VRK2: variants seen among roughly 807,000 people sequenced by gnomAD.
VRK2 encodes VRK serine/threonine kinase 2.
Under a neutral mutation model 57.6 loss-of-function variants are expected in VRK2, and 60 were observed. The observed-to-expected ratio is 1.04, with a 90% CI of 0.85 to 1.29. The LOEUF (loss-of-function observed/expected upper bound fraction) is 1.29, where lower values mean the gene tolerates loss of function less well. Ranked by LOEUF, VRK2 falls within the 50% of genes most tolerant of loss-of-function variation. The probability of loss-of-function intolerance (pLI) is 0.00; values close to 1 mark genes in which losing one functional copy is unlikely to be tolerated. For synonymous variants in VRK2, 231 were observed against 199.2 expected (o/e 1.16, Z -1.35); for missense variants, 705 against 588.1 (o/e 1.20, Z -2.06).
intron 1 of VRK2, among the ~76,000 whole-genome samples, chr2:58,018,715 A>C (rs954352680): frequency 2.3e-4 from 35 of 152,338 alleles, no homozygotes; most frequent in African/African-American, 8.4e-4. Context: ...GTAGCGATAC[A>C]GTATGGCTAA....
chr2:58,091,007 C>CT (rs999583178), intron 7 of VRK2, among the ~76,000 whole-genome samples: 1 of 152,154 alleles, frequency 6.6e-6, no homozygotes, highest in African/African-American at 2.4e-5. Flanking sequence ...AAAGGCAAAA[C>CT]TATAGAGACA....
chr2:58,151,400 C>T (rs544647780), intron 12 of VRK2, among the ~76,000 whole-genome samples: 42 of 151,872 alleles, frequency 2.8e-4, no homozygotes, highest in African/African-American at 9.9e-4. Flanking sequence ...TTCCAGCCTT[C>T]CTATGATTAA....
intron 7 of VRK2, among the ~76,000 whole-genome samples, chr2:58,109,429 G>A (rs1338142105): frequency 6.6e-6 from 1 of 150,854 alleles, no homozygotes; most frequent in Non-Finnish European, 1.5e-5. Context: ...TTCCCATACT[G>A]CTATGAAAAA....
chr2:58,137,062 T>A (rs1449369808), intron 10 of VRK2, among the ~76,000 whole-genome samples: 1 of 121,274 alleles, frequency 8.2e-6, no homozygotes, highest in African/African-American at 3.3e-5. Flanking sequence ...TGTGTATATA[T>A]CATATATCAT....
intron 12 of VRK2, among the ~76,000 whole-genome samples, chr2:58,147,939 G>A (rs1241734045): frequency 6.6e-6 from 1 of 151,572 alleles, no homozygotes. Flanking sequence ...AATTCACAAG[G>A]CCATTCTCCT....
At chr2:58,156,851 T>TAAC (rs1683956384) in intron 12 of VRK2, among the ~76,000 whole-genome samples, 2 of 152,192 alleles carry the variant, frequency 1.3e-5, no homozygotes, top group Non-Finnish European at 2.9e-5. Flanking sequence ...TGAATCTCTG[T>TAAC]TAATTTTTTC....
chr2:57,987,480 TA>T (rs996245892), intron 1 of VRK2, among the ~76,000 whole-genome samples: 10 of 151,486 alleles, frequency 6.6e-5, no homozygotes, highest in East Asian at 1.9e-4. Flanking sequence ...TGAATAGCTT[TA>T]AAAAAAAATA....
At chr2:57,996,365 T>C (rs1352077223) in intron 1 of VRK2, among the ~76,000 whole-genome samples, 1 of 152,192 alleles carries the variant, frequency 6.6e-6, no homozygotes, top group East Asian at 1.9e-4. Flanking sequence ...AAAGAAGAGT[T>C]GGTTAACGCC....
At chr2:57,957,624 AT>A (rs945874184) in intron 1 of VRK2, among the ~76,000 whole-genome samples, 51 of 140,520 alleles carry the variant, frequency 3.6e-4, no homozygotes, top group Non-Finnish European at 6.2e-4. Flanking sequence ...TATTATATAT[AT>A]TTCTATATAT....
intron 1 of VRK2, among the ~76,000 whole-genome samples, chr2:57,934,663 CTTCT>C (rs1345760076): frequency 1.3e-5 from 2 of 152,180 alleles, no homozygotes; most frequent in Non-Finnish European, 2.9e-5. Flanking sequence ...AAGATTTCTG[CTTCT>C]TTCTTTCTCT....
chr2:58,126,524 T>C lies in VRK2; in HGVS notation c.676+3291T>C, dbSNP rs568528940. ...GCTATTATGTTATTACCAAAAGATATGCATGGAGATGTATCGTGATGGATG... is the reference window on the plus strand; with the variant it reads ...GCTATTATGTTATTACCAAAAGATACGCATGGAGATGTATCGTGATGGATG... On this transcript the variant is annotated intron_variant, in intron 8 of 12. Coordinates refer to ENST00000340157, the MANE Select transcript of VRK2 (RefSeq NM_006296.7). 3.2e-4 allele frequency among the ~76,000 whole-genome samples: 49 copies of C among 152,112 alleles called. 1 individual carries two copies. The highest frequency in any genetic ancestry group is 1.3e-4 in the Non-Finnish European group (9 of 67,958).
At chr2:57,913,746 C>G (rs896409619) in intron 1 of VRK2, among the ~76,000 whole-genome samples, 2 of 151,954 alleles carry the variant, frequency 1.3e-5, no homozygotes, top group African/African-American at 4.8e-5. Context: ...TTTAATACTG[C>G]AGAGACATAT....
chr2:57,966,613 C>G (rs1671924459), intron 1 of VRK2, among the ~76,000 whole-genome samples: 1 of 151,346 alleles, frequency 6.6e-6, no homozygotes, highest in South Asian at 2.1e-4. Flanking sequence ...CAAATAATTA[C>G]AGAAAGTATT....
intron 2 of VRK2, among the ~76,000 whole-genome samples, chr2:58,059,940 A>T (rs1677081678): frequency 6.6e-6 from 1 of 151,914 alleles, no homozygotes; most frequent in Admixed American, 6.6e-5. Flanking sequence ...CAAATTCTGG[A>T]GAATGTAAAG....
intron 1 of VRK2, among the ~76,000 whole-genome samples, chr2:57,941,111 A>T (rs946420618): frequency 1.3e-5 from 2 of 152,102 alleles, no homozygotes; most frequent in Non-Finnish European, 2.9e-5. Context: ...AAAACTTTAA[A>T]CTCACTCTTC....
chr2:58,154,698 C>T (rs1683529966), intron 12 of VRK2: 2 of 713,418 alleles, frequency 2.8e-6, no homozygotes, highest in African/African-American at 1.8e-5. Flanking sequence ...TGGAGATTTT[C>T]CTATTATTTC....
At chr2:57,958,445 ATTTG>A (rs1671653428) in intron 1 of VRK2, among the ~76,000 whole-genome samples, 1 of 142,092 alleles carries the variant, frequency 7.0e-6, no homozygotes, top group East Asian at 1.9e-4. Flanking sequence ...ATGTATATAT[ATTTG>A]TATATATATA....
intron 12 of VRK2, among the ~76,000 whole-genome samples, chr2:58,148,119 C>T (rs1396773089): frequency 2.0e-5 from 3 of 151,798 alleles, no homozygotes; most frequent in Admixed American, 6.6e-5. Flanking sequence ...ACAAATAGTT[C>T]TTGAAAGTAC....
At chr2:58,064,128 A>G (rs1187790860) in intron 2 of VRK2, among the ~76,000 whole-genome samples, 1 of 152,136 alleles carries the variant, frequency 6.6e-6, no homozygotes, top group Non-Finnish European at 1.5e-5. Context: ...CTATCCTGGT[A>G]AAGATGCCAT....
Sources: allele counts gnomAD v4.1 joint callset (sites outside exome capture counted in the v4.1 genomes callset), GRCh38; gene constraint gnomAD v4.1.1; transcripts MANE v1.5; gene names NCBI Gene and HGNC (gene_info 2026-07-23, HGNC 2026-07-21).